PURG: variants seen among roughly 807,000 people sequenced by gnomAD.
PURG encodes the protein purine-rich element-binding protein gamma.
A neutral mutation model predicts 24.3 loss-of-function variants in PURG; 3 were observed. The ratio of observed to expected loss-of-function variants is 0.12; its 90% CI spans 0.06 to 0.32. PURG has a LOEUF of 0.32. Ranked by LOEUF, PURG falls within the 10% of genes least tolerant of loss-of-function variation. The pLI is 1.00. For synonymous variants in PURG, 180 were observed against 173.1 expected, an observed-to-expected ratio of 1.04 and a Z score of -0.31; for missense variants, 371 against 439.1, an observed-to-expected ratio of 0.84 and a Z score of 1.39.
At position 31,012,121 on chromosome 8, in the gene PURG, G is replaced by A. The variant is rs535833370; in HGVS notation, c.865-15424C>T. Among the ~76,000 whole-genome samples, 5 of 152,336 alleles carry A rather than the reference G, an allele frequency of 3.3e-5. No individual in the cohort carries two copies. In the East Asian group the frequency reaches 9.6e-4, roughly 29 times the overall value. On this transcript the variant is annotated intron_variant, in intron 1 of 1. Coordinates refer to the PURG transcript ENST00000339382. ...AGAGATGATTTAAGTAATCAGCCCA[G>A]TGCAAGGTGGAGAGGGGAATACAAA...
chr8:31,007,265 G>A (rs536086174), intron 1 of PURG, among the ~76,000 whole-genome samples: 1 of 152,282 alleles, frequency 6.6e-6, no homozygotes, highest in South Asian at 2.1e-4. Context: ...AAATATGAAA[G>A]AGGAAAATAT....
chr8:31,006,429 A>G (rs1434190521), intron 1 of PURG, among the ~76,000 whole-genome samples: 2 of 152,140 alleles, frequency 1.3e-5, no homozygotes, highest in Non-Finnish European at 2.9e-5. Context: ...CCCTGTCTCT[A>G]CTAAAAATAT....
At chr8:31,014,752 A>G (rs1051553238) in intron 1 of PURG, among the ~76,000 whole-genome samples, 3 of 152,220 alleles carry the variant, frequency 2.0e-5, no homozygotes, top group Admixed American at 2.0e-4. Context: ...TGTAGACAGG[A>G]AAAAGCCAAG....
At chr8:31,026,883 T>C (rs1351733967), downstream of PURG, among the ~76,000 whole-genome samples, 2 of 151,580 alleles carry the variant, frequency 1.3e-5, no homozygotes, top group Non-Finnish European at 3.0e-5. Flanking sequence ...ACGGATTTTT[T>C]CCATTATACA....
intron 1 of PURG, among the ~76,000 whole-genome samples, chr8:31,006,205 AGT>A (rs1810647572): frequency 1.3e-5 from 2 of 152,176 alleles, no homozygotes; most frequent in South Asian, 2.1e-4. Context: ...TCTAAAAATA[AGT>A]AAGTGAGAAA....
intron 1 of PURG, among the ~76,000 whole-genome samples, chr8:31,014,822 CAA>C (rs1810828856): frequency 6.6e-6 from 1 of 152,124 alleles, no homozygotes; most frequent in African/African-American, 2.4e-5. Flanking sequence ...CTTCAACAAA[CAA>C]ATAAAATACC....
chr8:30,996,803 G>T, intron 1 of PURG: 2 of 891,316 alleles, frequency 2.2e-6, no homozygotes, highest in Non-Finnish European at 3.4e-6. Flanking sequence ...AAACCTTTCT[G>T]TTAGAAAGCA....
At chr8:31,001,767 T>C (rs1810540482) in intron 1 of PURG, among the ~76,000 whole-genome samples, 1 of 152,206 alleles carries the variant, frequency 6.6e-6, no homozygotes, top group Non-Finnish European at 1.5e-5. Flanking sequence ...TACAATGTGG[T>C]AGGTAGTATT....
rs1298958642 is a variant in PURG, at chr8:31,032,261, G to C, written c.522C>G (p.Asp174Glu). 2 of 1,614,034 alleles carry C rather than the reference G, an allele frequency of 1.2e-6. No homozygotes were observed. Among genetic ancestry groups the C allele is most frequent in the South Asian group, 2.2e-5 (2 of 91,086 alleles). The change falls in exon 2 of 2, where the codon GAC (aspartate) becomes GAG (glutamate). Residue 174 changes from aspartate to glutamate, a missense_variant. Asp to Glu is a conservative substitution (Grantham distance 45). Transcript: ENST00000523392. This position sits in a 1 kb window ranked among gnomAD's most constrained non-coding sequence, Gnocchi z 5.9. ...EEHPHSVLKT[D>E]YIERDNRKYY... ...ATTTCCTATTGTCCCTCTCGATATA[G>C]TCTGTTTTCAGGACACTGTGAGGAT... is the stretch of plus-strand genomic sequence containing the variant.
chr8:30,996,111 C>T (rs1810423021), exon 2 of PURG: 1 of 155,814 alleles, frequency 6.4e-6, no homozygotes, highest in South Asian at 1.9e-4. Context: ...CAGTACAATA[C>T]AATCACAATA....
At chr8:31,016,926 AG>A (rs1414586786) in intron 1 of PURG, among the ~76,000 whole-genome samples, 1 of 152,202 alleles carries the variant, frequency 6.6e-6, no homozygotes, top group Non-Finnish European at 1.5e-5. Context: ...CCATCATTCT[AG>A]TTTCTCAGAG....
At chr8:30,997,296 C>T (rs1810447924) in intron 1 of PURG, among the ~76,000 whole-genome samples, 2 of 151,878 alleles carry the variant, frequency 1.3e-5, no homozygotes, top group South Asian at 4.2e-4. Context: ...TATTTAGCAT[C>T]ACAGAGAGTT....
At chr8:31,025,670 T>C (rs945368370) in intron 1 of PURG, among the ~76,000 whole-genome samples, 1 of 151,848 alleles carries the variant, frequency 6.6e-6, no homozygotes, top group African/African-American at 2.4e-5. Flanking sequence ...TTTTTCTTGG[T>C]GGTCAATAGA....
intron 1 of PURG, among the ~76,000 whole-genome samples, chr8:31,001,308 C>T (rs893219187): frequency 2.0e-5 from 3 of 152,122 alleles, no homozygotes; most frequent in Non-Finnish European, 4.4e-5. Flanking sequence ...TCATTTCTAC[C>T]CTATAATTTA....
intron 1 of PURG, 57 bp downstream of exon 1, chr8:31,033,018 ACGC>A: frequency 5.9e-6 from 1 of 169,942 alleles, no homozygotes; most frequent in Non-Finnish European, 1.2e-5. Context: ...CCGCTCCCGC[ACGC>A]CGCCGCCGCC....
At chr8:31,007,722 T>C (rs963474375) in intron 1 of PURG, among the ~76,000 whole-genome samples, 1 of 152,118 alleles carries the variant, frequency 6.6e-6, no homozygotes, top group Non-Finnish European at 1.5e-5. Context: ...TCAAAATCGA[T>C]GGTAGATCTA....
At chr8:31,021,971 CTTTTT>C (rs1011753786) in intron 1 of PURG, among the ~76,000 whole-genome samples, 2 of 136,944 alleles carry the variant, frequency 1.5e-5, no homozygotes, top group African/African-American at 2.7e-5. Flanking sequence ...TCATTTCTTT[CTTTTT>C]TTTTTTTTTT....
chr8:31,030,131 G>A (rs937961115), downstream of PURG, among the ~76,000 whole-genome samples: 1 of 151,870 alleles, frequency 6.6e-6, no homozygotes, highest in Non-Finnish European at 1.5e-5. Context: ...GTGACCTCAC[G>A]TAAAGGTATT....
chr8:31,029,572 A>G (rs1750970492), downstream of PURG, among the ~76,000 whole-genome samples: 2 of 151,838 alleles, frequency 1.3e-5, no homozygotes, highest in Admixed American at 1.3e-4. Flanking sequence ...AAAAGGTAAA[A>G]GGAAATCATT....
Sources: allele counts gnomAD v4.1 joint callset (sites outside exome capture counted in the v4.1 genomes callset), GRCh38; gene constraint gnomAD v4.1.1; non-coding constraint Gnocchi (gnomAD v3.1); transcripts MANE v1.5; gene names NCBI Gene and HGNC (gene_info 2026-07-23, HGNC 2026-07-21).